ERC1: variants seen among roughly 807,000 people sequenced by gnomAD.
ERC1 encodes RAB6 interacting protein 2.
In ERC1, 56 loss-of-function variants were observed where a neutral mutation model predicts 132.0. The observed-to-expected ratio is 0.42, with a 90% CI of 0.34 to 0.53. The LOEUF (loss-of-function observed/expected upper bound fraction) is 0.53. Among genes scored for constraint, ERC1 ranks in the 20% least tolerant of loss-of-function variants. ERC1 has a pLI of 0.03. For missense variants in ERC1, 1,202 were observed against 1,349.9 expected (o/e 0.89, Z 1.72); for synonymous variants, 478 against 476.1 (o/e 1.00, Z -0.05).
intron 12 of ERC1, among the ~76,000 whole-genome samples, chr12:1,198,268 G>A (rs1021537746): frequency 6.6e-6 from 1 of 152,072 alleles, no homozygotes; most frequent in Non-Finnish European, 1.5e-5. Context: ...TTCCATGTTC[G>A]AAGCCAATAT....
chr12:1,471,911 T>C lies in ERC1; in HGVS notation c.3214-18182T>C, dbSNP rs1040106880. Among the ~76,000 whole-genome samples, 65 of 152,198 alleles carry C rather than the reference T, an allele frequency of 4.3e-4. 1 individual carries two copies. Among genetic ancestry groups the C allele is most frequent in the African/African-American group, 1.5e-3 (62 of 41,452 alleles). On this transcript the variant is annotated intron_variant, in intron 18 of 18. Coordinates refer to ENST00000360905, the MANE Select transcript of ERC1 (RefSeq NM_178040.4). The stretch of plus-strand genomic sequence containing the variant: ...CCACTGGCCAGGCGTGATAGATACA[T>C]ATTAAGTTTTCCTACAACAGATAGA...
rs113582876 is a variant in ERC1 at position 1,436,159 on chromosome 12, C to G, written c.3025-8403C>G. ...CCTTCCATGTACAGACAGACGGACA[C>G]ACACACACACACACACACACACGTG... On this transcript the variant is annotated intron_variant, in intron 17 of 18. Coordinates refer to ENST00000360905, the MANE Select transcript of ERC1 (RefSeq NM_178040.4). 3.2e-3 allele frequency among the ~76,000 whole-genome samples: 453 copies of G among 141,348 alleles called. 3 individuals are homozygous for G. The highest frequency in any genetic ancestry group is 3.3e-3 in the Admixed American group (49 of 14,864). 92.7% of individuals were successfully genotyped at this position (141,348 alleles called of 152,430 possible).
At chr12:1,441,053 C>T (rs1018535770) in intron 17 of ERC1, among the ~76,000 whole-genome samples, 5 of 151,448 alleles carry the variant, frequency 3.3e-5, no homozygotes, top group African/African-American at 1.2e-4. Context: ...GCATTTAAAT[C>T]TGTTTGAAAA....
Position 1,491,704 on chromosome 12 carries a change from A to C in ERC1, c.*1474A>C, listed in dbSNP as rs905561891. 2 of 230,680 alleles carry C rather than the reference A, an allele frequency of 8.7e-6. No homozygotes were observed. The highest frequency in any genetic ancestry group is 4.4e-5 in the African/African-American group (2 of 45,154). The allele number at this position is 230,680 out of a possible 1,614,324, so 14.3% of individuals were successfully genotyped here. On this transcript the variant is annotated 3_prime_UTR_variant, in exon 19 of 19. Coordinates refer to ENST00000360905, the MANE Select transcript of ERC1 (RefSeq NM_178040.4). ...TCTGAGTATCTACTTGTGGGTGGCC[A>C]TTTCCTGACATCTGCATGTACCTCG...
chr12:1,477,839 A>T (rs564999335), intron 18 of ERC1, among the ~76,000 whole-genome samples: 1 of 152,194 alleles, frequency 6.6e-6, no homozygotes, highest in Non-Finnish European at 1.5e-5. Context: ...TAAACTTTCT[A>T]TGCCTGGAAT....
intron 12 of ERC1, among the ~76,000 whole-genome samples, chr12:1,199,500 G>T (rs546333953): frequency 5.9e-5 from 9 of 152,312 alleles, no homozygotes; most frequent in Admixed American, 1.3e-4. Context: ...GCCAGGCACG[G>T]TGGTTCACGC....
intron 18 of ERC1, among the ~76,000 whole-genome samples, chr12:1,462,737 G>A (rs1004018047): frequency 6.6e-6 from 1 of 152,088 alleles, no homozygotes; most frequent in Non-Finnish European, 1.5e-5. Flanking sequence ...TTTGACTGGG[G>A]AGATGGCCAT....
chr12:1,032,572 G>C (rs1228895836), intron 2 of ERC1, among the ~76,000 whole-genome samples: 1 of 152,164 alleles, frequency 6.6e-6, no homozygotes, highest in African/African-American at 2.4e-5. Context: ...CATGTGTAGG[G>C]GAAAAGGGTG....
At chr12:1,464,885 C>T (rs549700209) in intron 18 of ERC1, among the ~76,000 whole-genome samples, 4 of 151,456 alleles carry the variant, frequency 2.6e-5, no homozygotes, top group South Asian at 2.1e-4. Flanking sequence ...AAAAAAGAGT[C>T]CTAAAATATG....
intron 2 of ERC1, among the ~76,000 whole-genome samples, chr12:1,036,445 G>A (rs1265287579): frequency 6.6e-6 from 1 of 151,504 alleles, no homozygotes; most frequent in African/African-American, 2.4e-5. Context: ...TGCGATCTCG[G>A]CTCAGTGCAG....
At chr12:1,335,588 G>T (rs2083243447) in intron 15 of ERC1, among the ~76,000 whole-genome samples, 1 of 152,090 alleles carries the variant, frequency 6.6e-6, no homozygotes, top group African/African-American at 2.4e-5. Flanking sequence ...CTTGATCTTG[G>T]TGGATAAGCC....
At chr12:1,393,830 A>AT (rs1163151140) in intron 16 of ERC1, among the ~76,000 whole-genome samples, 4 of 150,984 alleles carry the variant, frequency 2.6e-5, no homozygotes, top group East Asian at 2.0e-4. Context: ...GATTGAGACC[A>AT]CGGTGAAACC....
intron 1 of ERC1, among the ~76,000 whole-genome samples, chr12:1,024,930 A>T (rs946899450): frequency 7.9e-5 from 12 of 151,878 alleles, no homozygotes; most frequent in Non-Finnish European, 2.9e-5. Context: ...TATAACAACG[A>T]TTTACATAGC....
intron 13 of ERC1, among the ~76,000 whole-genome samples, chr12:1,243,105 T>G (rs2075920198): frequency 6.8e-6 from 1 of 147,028 alleles, no homozygotes; most frequent in South Asian, 2.1e-4. Flanking sequence ...GAGAATGGCG[T>G]GAACCCGGGA....
chr12:1,213,401 C>T (rs921629167), intron 12 of ERC1, among the ~76,000 whole-genome samples: 7 of 152,004 alleles, frequency 4.6e-5, no homozygotes, highest in Non-Finnish European at 8.8e-5. Context: ...AGGAAGAGTG[C>T]GTAGAAATAC....
chr12:992,159 C>T (rs1458485605), intron 1 of ERC1, among the ~76,000 whole-genome samples: 3 of 152,008 alleles, frequency 2.0e-5, no homozygotes, highest in East Asian at 3.9e-4. Context: ...GTGGTGTCTT[C>T]CAGTTTTTTT....
At chr12:1,393,461 G>C (rs1210985989) in intron 16 of ERC1, among the ~76,000 whole-genome samples, 1 of 152,214 alleles carries the variant, frequency 6.6e-6, no homozygotes, top group Non-Finnish European at 1.5e-5. Context: ...TTGAGCCCAG[G>C]TGGTCAAGGC....
chr12:1,383,518 C>T (rs1206192381), intron 16 of ERC1, among the ~76,000 whole-genome samples: 1 of 152,152 alleles, frequency 6.6e-6, no homozygotes, highest in Admixed American at 6.5e-5. Context: ...CCTGTAATCT[C>T]AGCTACTCAG....
intron 12 of ERC1, among the ~76,000 whole-genome samples, chr12:1,218,371 C>A (rs1958622083): frequency 6.6e-6 from 1 of 152,160 alleles, no homozygotes; most frequent in South Asian, 2.1e-4. Context: ...AGTGTACTAA[C>A]CTGCCTTTAG....
Sources: gnomAD v4.1 joint callset for allele counts (sites outside exome capture counted in the v4.1 genomes callset) on GRCh38, gnomAD v4.1.1 for gene constraint, MANE v1.5 for transcripts, NCBI Gene and HGNC (gene_info 2026-07-23, HGNC 2026-07-21) for gene names.